Variants in SUCLG2 observed in about 807,000 individuals in gnomAD.
The protein encoded by SUCLG2 is succinate--CoA ligase [GDP-forming] subunit beta, mitochondrial.
Under a neutral mutation model 47.9 loss-of-function variants are expected in SUCLG2, and 42 were observed. The ratio of observed to expected loss-of-function variants is 0.88; its 90% CI spans 0.69 to 1.14. SUCLG2 has a LOEUF of 1.14. Ranked by LOEUF, SUCLG2 falls within the 50% of genes most tolerant of loss-of-function variation. SUCLG2 has a pLI of 0.00. For synonymous variants in SUCLG2, 195 were observed against 197.3 expected, an observed-to-expected ratio of 0.99 and a Z score of 0.10; for missense variants, 571 against 525.9, an observed-to-expected ratio of 1.09 and a Z score of -0.84.
chr3:67,437,927 G>A (rs557309340), intron 9 of SUCLG2, among the ~76,000 whole-genome samples: 392 of 152,172 alleles, frequency 2.6e-3, no homozygotes, highest in Non-Finnish European at 4.4e-3. Context: ...TCAAGAGATG[G>A]AACTCATTTG....
At chr3:67,590,409 A>T (rs1319456797) in intron 2 of SUCLG2, among the ~76,000 whole-genome samples, 3 of 152,034 alleles carry the variant, frequency 2.0e-5, no homozygotes, top group African/African-American at 7.2e-5. Context: ...TGTAATTCCC[A>T]ATGTTGGAGG....
intron 9 of SUCLG2, among the ~76,000 whole-genome samples, chr3:67,405,619 G>C (rs996979647): frequency 6.6e-6 from 1 of 152,134 alleles, no homozygotes; most frequent in Non-Finnish European, 1.5e-5. Context: ...ATGCATTCAG[G>C]ATAGGGCTAT....
rs60612549 is a variant in SUCLG2, at chr3:67,534,768, C to CAAAAAAAAAA, written c.227-5592_227-5583dup. On this transcript the variant is annotated intron_variant, in intron 2 of 10. Transcript: ENST00000307227. ...GGACAGAACTCCCTAACACTGATGG[C>CAAAAAAAAAA]AAAAAAAAAAAAAAAAAAAAAAAAA... is the stretch of plus-strand genomic sequence containing the variant. 4.0e-4 allele frequency among the ~76,000 whole-genome samples: 14 copies of CAAAAAAAAAA among 34,950 alleles called. 1 individual carries two copies. The highest frequency in any genetic ancestry group is 8.5e-4 in the Admixed American group (2 of 2,348). The allele number at this position is 34,950 out of a possible 152,430, so 22.9% of individuals were successfully genotyped here.
intron 9 of SUCLG2, among the ~76,000 whole-genome samples, chr3:67,450,242 A>G (rs1704024166): frequency 6.6e-6 from 1 of 152,126 alleles, no homozygotes; most frequent in African/African-American, 2.4e-5. Context: ...AGGTTTTGCT[A>G]TGATTCCCAG....
intron 9 of SUCLG2, among the ~76,000 whole-genome samples, chr3:67,415,303 A>G (rs890211581): frequency 3.3e-5 from 5 of 152,230 alleles, no homozygotes; most frequent in Admixed American, 1.3e-4. Flanking sequence ...CTCCGGCTAC[A>G]AAACGAGGAT....
At chr3:67,636,354 T>C (rs966056132) in intron 1 of SUCLG2, among the ~76,000 whole-genome samples, 3 of 134,668 alleles carry the variant, frequency 2.2e-5, no homozygotes, top group Non-Finnish European at 4.8e-5. Flanking sequence ...GGCAGAATCC[T>C]TTTTTTTTTT....
intron 9 of SUCLG2, among the ~76,000 whole-genome samples, chr3:67,458,831 C>T (rs976426148): frequency 3.9e-5 from 6 of 152,114 alleles, no homozygotes; most frequent in Admixed American, 3.3e-4. Context: ...TCATATGGTC[C>T]TTTGAGTTTT....
Position 67,518,262 on chromosome 3 carries a change from C to T in SUCLG2, c.645G>A (p.Gly215=), listed in dbSNP as rs371239218. 3 of 1,611,832 alleles carry T rather than the reference C, an allele frequency of 1.9e-6. No individual in the cohort carries two copies. The highest frequency in any genetic ancestry group is 2.5e-6 in the Non-Finnish European group (3 of 1,178,812). Residue 215 remains glycine, a synonymous_variant, in exon 6 of 11, where the codon GGG becomes GGA. Transcript: ENST00000307227. ...QRMAENLGFV[G]PLKSQAADQI... is the part of the protein sequence containing the mutation. ...GCTTATATACCTGGCTTTTCAAAGG[C>T]CCAACGAAGCCTAGATTTTCGGCCA...
intron 1 of SUCLG2, among the ~76,000 whole-genome samples, chr3:67,649,319 G>A (rs1211115015): frequency 1.3e-5 from 2 of 152,162 alleles, no homozygotes; most frequent in African/African-American, 4.8e-5. Flanking sequence ...GGTAGGAGCT[G>A]TGTTTCTTAT....
intron 9 of SUCLG2, among the ~76,000 whole-genome samples, chr3:67,439,753 A>T (rs1374805511): frequency 6.6e-6 from 1 of 152,216 alleles, no homozygotes; most frequent in African/African-American, 2.4e-5. Context: ...ATGGAAAAAC[A>T]TTCCATGCTC....
Position 67,498,167 on chromosome 3 carries a change from A to G in SUCLG2, c.886T>C (p.Tyr296His). The G allele has an allele frequency of 1.9e-6, 3 of 1,613,222 alleles. No homozygotes were observed. Among genetic ancestry groups the G allele is most frequent in the Non-Finnish European group, 2.5e-6 (3 of 1,179,678 alleles). Reference sequence around the variant, plus strand: ...GCAATGTTCCCATCTAGTCCTATGTATTTTAGATCATATTTGGCAGCTTCA... The same window carrying G: ...GCAATGTTCCCATCTAGTCCTATGTGTTTTAGATCATATTTGGCAGCTTCA... ...ENEAAKYDLK[Y>H]IGLDGNIACF... The change falls in exon 8 of 11, where the codon TAC becomes CAC. Residue 296 changes from tyrosine (Y) to histidine (H), a missense_variant. Transcript: ENST00000307227.
chr3:67,499,086 T>C (rs1705426435), intron 7 of SUCLG2, among the ~76,000 whole-genome samples: 1 of 152,244 alleles, frequency 6.6e-6, no homozygotes, highest in Non-Finnish European at 1.5e-5. Flanking sequence ...CAACTGTGTA[T>C]TTAAAGCATA....
At chr3:67,505,332 T>G (rs1705606472) in intron 7 of SUCLG2, among the ~76,000 whole-genome samples, 1 of 152,230 alleles carries the variant, frequency 6.6e-6, no homozygotes, top group Non-Finnish European at 1.5e-5. Context: ...TACAGGAATA[T>G]AACTTTTTAA....
chr3:67,515,246 A>C (rs1705911856), intron 6 of SUCLG2, among the ~76,000 whole-genome samples: 1 of 152,216 alleles, frequency 6.6e-6, no homozygotes, highest in Admixed American at 6.5e-5. Context: ...CCTAAGTATA[A>C]ATATCTAGAA....
At chr3:67,381,507 CA>C (rs1352309665) in intron 10 of SUCLG2, among the ~76,000 whole-genome samples, 1 of 152,158 alleles carries the variant, frequency 6.6e-6, no homozygotes. Flanking sequence ...CACAGAATTA[CA>C]AAGGAAATTG....
At chr3:67,394,278 A>G (rs993715207) in intron 10 of SUCLG2, among the ~76,000 whole-genome samples, 2 of 152,038 alleles carry the variant, frequency 1.3e-5, no homozygotes, top group African/African-American at 4.8e-5. Flanking sequence ...CTTTGAAAAA[A>G]ATTTAGATGA....
intron 2 of SUCLG2, among the ~76,000 whole-genome samples, chr3:67,529,856 T>C (rs1188180665): frequency 6.6e-6 from 1 of 152,234 alleles, no homozygotes; most frequent in Non-Finnish European, 1.5e-5. Flanking sequence ...TAATCTTGAC[T>C]TTTTAGACGA....
rs375888382 is a variant in SUCLG2, at chr3:67,615,617, CACAA to C, written c.85-6025_85-6022del. Among the ~76,000 whole-genome samples the C allele has an allele frequency of 2.3e-3, 327 of 141,554 alleles. 1 individual carries two copies. The highest frequency in any genetic ancestry group is 9.0e-3 in the African/African-American group (319 of 35,384). The allele number at this position is 141,554 out of a possible 152,430, so 92.9% of individuals were successfully genotyped here. On this transcript the variant is annotated intron_variant, in intron 1 of 10. Coordinates refer to ENST00000307227, the MANE Select transcript of SUCLG2 (RefSeq NM_003848.4). ...AGATGCCACTGAACACAAACACAAA[CACAA>C]ACACACACACACACACACACACACA...
intron 6 of SUCLG2, chr3:67,514,036 C>T: frequency 5.6e-6 from 2 of 356,134 alleles, no homozygotes; most frequent in Non-Finnish European, 1.1e-5. Flanking sequence ...CCAGCAGGCG[C>T]AAGCCGAGCG....
Sources: allele counts gnomAD v4.1 joint callset (sites outside exome capture counted in the v4.1 genomes callset), GRCh38; gene constraint gnomAD v4.1.1; transcripts MANE v1.5; gene names NCBI Gene and HGNC (gene_info 2026-07-23, HGNC 2026-07-21).